Variants in NTM observed in about 807,000 individuals in gnomAD.
NTM encodes IgLON family member 2.
NTM carries 13 observed loss-of-function variants against 42.1 expected under a neutral mutation model. That is an observed-to-expected ratio of 0.31 (90% CI 0.20 to 0.49). The LOEUF is 0.49. Among genes scored for constraint, NTM ranks in the 20% least tolerant of loss-of-function variants. NTM has a pLI of 0.99. For synonymous variants in NTM, 187 were observed against 179.2 expected (o/e 1.04, Z -0.35); for missense variants, 373 against 452.8 (o/e 0.82, Z 1.60).
At chr11:131,897,400 C>T (rs117870224) in intron 1 of NTM, among the ~76,000 whole-genome samples, 2,831 of 152,314 alleles carry the variant, frequency 0.019, 29 homozygotes, top group Non-Finnish European at 0.028. Context: ...GTAAAGTTTA[C>T]ATCACTGTGC....
intron 1 of NTM, among the ~76,000 whole-genome samples, chr11:131,876,604 C>A (rs1291858424): frequency 1.3e-5 from 2 of 152,206 alleles, no homozygotes; most frequent in African/African-American, 4.8e-5. Flanking sequence ...CATTGGAAGG[C>A]CAGAAGACAA....
intron 4 of NTM, among the ~76,000 whole-genome samples, chr11:132,247,012 C>T (rs569880061): frequency 6.6e-6 from 1 of 152,322 alleles, no homozygotes; most frequent in East Asian, 1.9e-4. Context: ...ATCCTCCTCC[C>T]CTCCCCAAAC....
At chr11:132,289,516 G>T (rs910621816) in intron 4 of NTM, among the ~76,000 whole-genome samples, 1 of 151,896 alleles carries the variant, frequency 6.6e-6, no homozygotes, top group African/African-American at 2.4e-5. Context: ...CCCTTTCTTT[G>T]CCATCTGCCT....
chr11:131,909,250 ATAGT>A (rs2054323009), intron 1 of NTM, among the ~76,000 whole-genome samples: 3 of 152,014 alleles, frequency 2.0e-5, no homozygotes, highest in Non-Finnish European at 4.4e-5. Flanking sequence ...TCCTATCTCT[ATAGT>A]TAGTGTGAGG....
chr11:131,933,237 G>C lies in NTM; in HGVS notation c.167+21589G>C, dbSNP rs561713829. On this transcript the variant is annotated intron_variant, in intron 2 of 8. Transcript: ENST00000683400. ...GTCCTGGGACTGTCAGGGAGTGCGT[G>C]GGGCCCTGGGGCAGGGAGGTGGGTG... Among the ~76,000 whole-genome samples, 7 of 152,314 alleles carry C rather than the reference G, an allele frequency of 4.6e-5. No individual in the cohort carries two copies. The East Asian group carries it at 9.7e-4, about 21-fold the overall frequency.
At chr11:132,260,811 G>A (rs948631067) in intron 4 of NTM, among the ~76,000 whole-genome samples, 1 of 152,150 alleles carries the variant, frequency 6.6e-6, no homozygotes, top group African/African-American at 2.4e-5. Flanking sequence ...AGAACACCAC[G>A]GAACCTTCTG....
chr11:132,112,287 T>C (rs2063312865), intron 2 of NTM, among the ~76,000 whole-genome samples: 1 of 152,218 alleles, frequency 6.6e-6, no homozygotes, highest in Non-Finnish European at 1.5e-5. Context: ...TGAAAGAAAC[T>C]AGTGTCTTTT....
chr11:131,625,658 A>T (rs1366986780), intron 1 of NTM, among the ~76,000 whole-genome samples: 2 of 152,142 alleles, frequency 1.3e-5, no homozygotes, highest in Non-Finnish European at 2.9e-5. Context: ...ACACTCAAAT[A>T]ACCAGCATGC....
At chr11:131,528,274 G>C (rs2050777365) in intron 1 of NTM, among the ~76,000 whole-genome samples, 1 of 152,120 alleles carries the variant, frequency 6.6e-6, no homozygotes, top group African/African-American at 2.4e-5. Context: ...AGTTTCCTGA[G>C]GATTGGCACT....
At chr11:132,040,800 T>G (rs945519738) in intron 2 of NTM, among the ~76,000 whole-genome samples, 1 of 152,012 alleles carries the variant, frequency 6.6e-6, no homozygotes, top group Non-Finnish European at 1.5e-5. Flanking sequence ...GTTCAAGTCT[T>G]GAGGATTTTT....
intron 1 of NTM, among the ~76,000 whole-genome samples, chr11:131,905,737 C>G (rs1390474315): frequency 2.0e-5 from 3 of 152,176 alleles, no homozygotes; most frequent in East Asian, 3.9e-4. Flanking sequence ...CAGGGGAGGC[C>G]CACGTTACTT....
chr11:132,246,209 C>T lies in NTM; in HGVS notation c.526+34062C>T, dbSNP rs549593116. On this transcript the variant is annotated intron_variant, in intron 4 of 8. Transcript: ENST00000683400. The stretch of plus-strand genomic sequence containing the variant: ...CTGATTCAGGCAAAGGGGCCTTTGC[C>T]GCACCTCCCGCACAGGTGGGACTCC... 9.8e-4 allele frequency among the ~76,000 whole-genome samples: 149 copies of T among 152,308 alleles called. 1 individual carries two copies. Among genetic ancestry groups the T allele is most frequent in the East Asian group, 1.9e-3 (10 of 5,162 alleles).
intron 1 of NTM, among the ~76,000 whole-genome samples, chr11:131,530,333 A>G (rs12288110): frequency 6.3e-4 from 96 of 151,708 alleles, no homozygotes; most frequent in Non-Finnish European, 1.0e-3. Flanking sequence ...TTTCTACCCT[A>G]TGAGAATGTT....
intron 1 of NTM, among the ~76,000 whole-genome samples, chr11:131,694,621 G>C (rs2075204168): frequency 2.0e-5 from 3 of 152,226 alleles, no homozygotes; most frequent in Non-Finnish European, 1.5e-5. Flanking sequence ...CAGTGAATGA[G>C]CTCAGGCAGG....
chr11:131,972,042 C>CAAAAAAAAAA (rs61627120), intron 2 of NTM, among the ~76,000 whole-genome samples: 629 of 57,780 alleles, frequency 0.011, 81 homozygotes, highest in African/African-American at 0.027. Context: ...GACTCCGTCT[C>CAAAAAAAAAA]AAAAAAAAAA....
chr11:132,051,325 A>G (rs1422300198), intron 2 of NTM, among the ~76,000 whole-genome samples: 2 of 152,196 alleles, frequency 1.3e-5, no homozygotes, highest in Non-Finnish European at 2.9e-5. Flanking sequence ...TAAATGAGAA[A>G]ACTGAGGCCC....
intron 1 of NTM, among the ~76,000 whole-genome samples, chr11:131,450,617 A>G (rs1312771814): frequency 2.0e-5 from 3 of 151,794 alleles, no homozygotes; most frequent in African/African-American, 4.8e-5. Context: ...CTCCTCATCC[A>G]TTTTTCTGAT....
intron 1 of NTM, among the ~76,000 whole-genome samples, chr11:131,595,854 CA>C (rs765220748): frequency 1.3e-5 from 2 of 152,232 alleles, no homozygotes; most frequent in Non-Finnish European, 2.9e-5. Flanking sequence ...GACAGCTAGA[CA>C]GAGAATGGTT....
At chr11:132,037,014 C>A (rs2076588056) in intron 2 of NTM, among the ~76,000 whole-genome samples, 1 of 152,144 alleles carries the variant, frequency 6.6e-6, no homozygotes, top group Admixed American at 6.5e-5. Context: ...TGCTACTCTG[C>A]CTGCTTAGGA....
Sources: gnomAD v4.1 joint callset for allele counts (sites outside exome capture counted in the v4.1 genomes callset) on GRCh38, gnomAD v4.1.1 for gene constraint, MANE v1.5 for transcripts, NCBI Gene and HGNC (gene_info 2026-07-23, HGNC 2026-07-21) for gene names.